The following ZPBP variants were observed in gnomAD, a reference collection of about 807,000 sequenced individuals.
The protein encoded by ZPBP is zona pellucida-binding protein 1.
In ZPBP, 26 loss-of-function variants were observed where a neutral mutation model predicts 44.8. The observed-to-expected ratio is 0.58, with a 90% CI of 0.43 to 0.81. The LOEUF (loss-of-function observed/expected upper bound fraction) is 0.81, where lower values mean the gene tolerates loss of function less well. Ranked by LOEUF, ZPBP falls within the 30% of genes least tolerant of loss-of-function variation. ZPBP has a pLI of 0.00. For missense variants in ZPBP, 409 were observed against 434.0 expected (o/e 0.94, Z 0.51); for synonymous variants, 174 against 153.2 (o/e 1.14, Z -1.00).
chr7:50,048,872 A>C (rs778311504), intron 4 of ZPBP, among the ~76,000 whole-genome samples: 7 of 152,060 alleles, frequency 4.6e-5, no homozygotes, highest in Non-Finnish European at 8.8e-5. Context: ...AATAAAAAAT[A>C]GTGAAAATCA....
At chr7:50,046,948 T>G (rs542617480) in intron 4 of ZPBP, among the ~76,000 whole-genome samples, 46 of 152,290 alleles carry the variant, frequency 3.0e-4, no homozygotes, top group Non-Finnish European at 6.3e-4. Flanking sequence ...ACGCACACCA[T>G]GGAATAGTAT....
At chr7:49,912,288 G>T (rs1243026613) in intron 1 of ZPBP, 3 of 1,204,536 alleles carry the variant, frequency 2.5e-6, no homozygotes, top group Non-Finnish European at 3.4e-6. Flanking sequence ...CTTTTGATGA[G>T]GAATAATGGA....
chr7:50,045,642 A>G (rs1309766995), intron 4 of ZPBP, among the ~76,000 whole-genome samples: 1 of 152,210 alleles, frequency 6.6e-6, no homozygotes, highest in Non-Finnish European at 1.5e-5. Flanking sequence ...CAAGGAAATA[A>G]GAGAGGACAC....
At chr7:49,934,642 A>C (rs1278959187), downstream of ZPBP, among the ~76,000 whole-genome samples, 1 of 152,100 alleles carries the variant, frequency 6.6e-6, no homozygotes, top group Non-Finnish European at 1.5e-5. Flanking sequence ...TTATTCAACC[A>C]ATTATATTGT....
chr7:49,932,802 G>T (rs1164019028), downstream of ZPBP, among the ~76,000 whole-genome samples: 2 of 152,066 alleles, frequency 1.3e-5, no homozygotes. Context: ...GGGCCAGGTG[G>T]GGATAATTGA....
intron 7 of ZPBP, among the ~76,000 whole-genome samples, chr7:49,956,209 T>C (rs967053712): frequency 6.6e-6 from 1 of 152,104 alleles, no homozygotes; most frequent in Non-Finnish European, 1.5e-5. Flanking sequence ...TCACATTTAT[T>C]TCCATTATTA....
chr7:49,993,693 G>A (rs2128789839), intron 6 of ZPBP, among the ~76,000 whole-genome samples: 1 of 152,240 alleles, frequency 6.6e-6, no homozygotes, highest in African/African-American at 2.4e-5. Context: ...ATGAAGAATG[G>A]TGCCATGTAA....
chr7:49,971,422 G>A (rs1410543093), intron 7 of ZPBP, among the ~76,000 whole-genome samples: 2 of 152,102 alleles, frequency 1.3e-5, no homozygotes, highest in African/African-American at 4.8e-5. Flanking sequence ...ATTTAAAAGT[G>A]AGGATATTAC....
At chr7:50,022,577 CAAA>C (rs1246698375) in intron 5 of ZPBP, among the ~76,000 whole-genome samples, 4 of 151,178 alleles carry the variant, frequency 2.6e-5, no homozygotes. Flanking sequence ...TAATGAAACA[CAAA>C]AGAAGGTAGT....
rs149408087 is a variant in ZPBP at position 49,983,458 on chromosome 7, T to A, written c.845A>T (p.Glu282Val). 6.2e-7 allele frequency: 1 copy of A among 1,611,302 alleles called. No homozygotes were observed. Among genetic ancestry groups the A allele is most frequent in the Non-Finnish European group, 8.5e-7 (1 of 1,178,448 alleles). The stretch of plus-strand genomic sequence containing the variant: ...AATATAGTATATTTGAGGTAATTGT[T>A]CTGCACGTCTGCCAAGAATTTCTAC... ...QQVEILGRRA[E>V]QLPQIYYIEG... Residue 282 changes from glutamate (E) to valine (V), a missense_variant, in exon 7 of 8, where the codon GAA becomes GTA. By Grantham distance (121) the Glu-to-Val change is moderately radical. Coordinates refer to ENST00000046087, the MANE Select transcript of ZPBP (RefSeq NM_007009.3).
chr7:49,952,827 C>T (rs961008029), intron 7 of ZPBP, among the ~76,000 whole-genome samples: 3 of 151,766 alleles, frequency 2.0e-5, no homozygotes, highest in African/African-American at 4.8e-5. Context: ...TCAATCTGCA[C>T]GTGTACCCCT....
intron 4 of ZPBP, among the ~76,000 whole-genome samples, chr7:50,043,894 A>T (rs1800214243): frequency 6.6e-6 from 1 of 152,186 alleles, no homozygotes; most frequent in Non-Finnish European, 1.5e-5. Flanking sequence ...CTTATTCTAA[A>T]ATTGACCATA....
chr7:50,084,008 A>G (rs1802503795), intron 2 of ZPBP, among the ~76,000 whole-genome samples: 1 of 152,034 alleles, frequency 6.6e-6, no homozygotes, highest in Non-Finnish European at 1.5e-5. Context: ...GGCAAAGTTA[A>G]CAAATTTGAC....
chr7:50,020,811 C>T (rs975982951), intron 5 of ZPBP, among the ~76,000 whole-genome samples: 2 of 152,032 alleles, frequency 1.3e-5, no homozygotes, highest in Non-Finnish European at 2.9e-5. Context: ...ATGTTTACAA[C>T]AACCAAGTGA....
At chr7:49,929,304 G>A (rs553040214) in intron 1 of ZPBP, among the ~76,000 whole-genome samples, 5 of 152,280 alleles carry the variant, frequency 3.3e-5, no homozygotes, top group Non-Finnish European at 5.9e-5. Context: ...ATGCACCTCC[G>A]CATCTTTTGT....
At chr7:50,017,602 G>C (rs1324486121) in intron 6 of ZPBP, among the ~76,000 whole-genome samples, 2 of 152,020 alleles carry the variant, frequency 1.3e-5, no homozygotes, top group Non-Finnish European at 2.9e-5. Flanking sequence ...ATTGATCTCT[G>C]TATACAATAC....
At chr7:49,961,782 G>A (rs569041933) in intron 7 of ZPBP, among the ~76,000 whole-genome samples, 8 of 152,188 alleles carry the variant, frequency 5.3e-5, no homozygotes, top group African/African-American at 1.7e-4. Context: ...AGAGAGAGAA[G>A]ACAATGAAAT....
At chr7:49,972,755 C>T (rs934057310) in intron 7 of ZPBP, among the ~76,000 whole-genome samples, 7 of 151,960 alleles carry the variant, frequency 4.6e-5, no homozygotes, top group African/African-American at 1.2e-4. Flanking sequence ...GGAATCTCAA[C>T]GTACCACAAA....
At chr7:49,866,328 T>C (rs692575) in intron 2 of ZPBP, among the ~76,000 whole-genome samples, 2,743 of 152,334 alleles carry the variant, frequency 0.018, 90 homozygotes, top group African/African-American at 0.063. Context: ...TTTCCTGTCC[T>C]GACTGGCGTT....
Sources: gnomAD v4.1 joint callset for allele counts (sites outside exome capture counted in the v4.1 genomes callset) on GRCh38, gnomAD v4.1.1 for gene constraint, MANE v1.5 for transcripts, NCBI Gene and HGNC (gene_info 2026-07-23, HGNC 2026-07-21) for gene names.